The following PRDM16 variants were observed in gnomAD, a reference collection of about 807,000 sequenced individuals.
PRDM16 encodes histone-lysine N-methyltransferase PRDM16.
PRDM16 carries 23 observed loss-of-function variants against 110.6 expected under a neutral mutation model. That is an observed-to-expected ratio of 0.21 (90% confidence interval 0.15 to 0.29). The LOEUF (loss-of-function observed/expected upper bound fraction) is 0.29. Among genes scored for constraint, PRDM16 ranks in the 10% least tolerant of loss-of-function variants. The pLI, the probability that PRDM16 is intolerant of heterozygous loss-of-function variation, is 1.00. For missense variants in PRDM16, 1,615 were observed against 1,794.3 expected, an observed-to-expected ratio of 0.90 and a Z score of 1.81; for synonymous variants, 799 against 781.8, an observed-to-expected ratio of 1.02 and a Z score of -0.37.
At position 3,080,385 on chromosome 1, in the gene PRDM16, C is replaced by G. The variant is rs567325036; in HGVS notation, c.37+11089C>G. ...GCACCGGGGATTTACGGCCGACCCG[C>G]GCTTTCCGATCGGTTTCTCTACCCC... is the stretch of plus-strand genomic sequence containing the variant. On this transcript the variant is annotated intron_variant, in intron 1 of 16. Transcript: ENST00000270722. This position sits in a 1 kb window ranked among gnomAD's most constrained non-coding sequence, Gnocchi z 5.2. 6.6e-6 allele frequency among the ~76,000 whole-genome samples: 1 copy of G among 152,188 alleles called. No homozygotes were observed. The highest frequency in any genetic ancestry group is 1.5e-5 in the Non-Finnish European group (1 of 68,036).
chr1:3,409,756 TGTGA>T (rs34769314), intron 8 of PRDM16, among the ~76,000 whole-genome samples: 22,402 of 142,352 alleles, frequency 0.16, 1,805 homozygotes, highest in Middle Eastern at 0.27. Context: ...GTGGTGTGGG[TGTGA>T]GTGTGTGTGG....
intron 1 of PRDM16, among the ~76,000 whole-genome samples, chr1:3,149,528 C>A (rs1027920456): frequency 3.9e-5 from 6 of 152,208 alleles, no homozygotes; most frequent in Admixed American, 3.9e-4. Flanking sequence ...ACCTGTGTAT[C>A]CAGACTCCGC....
At chr1:3,387,597 C>T (rs1490744120) in intron 4 of PRDM16, among the ~76,000 whole-genome samples, 1 of 152,170 alleles carries the variant, frequency 6.6e-6, no homozygotes, top group Non-Finnish European at 1.5e-5. Context: ...ACGCTCCTGC[C>T]CATGTCCCCG....
chr1:3,199,392 G>A (rs545658611), intron 2 of PRDM16, among the ~76,000 whole-genome samples: 28 of 152,270 alleles, frequency 1.8e-4, no homozygotes, highest in East Asian at 3.9e-4. Flanking sequence ...CCGGGCCTCC[G>A]GAGCCCCTTG....
intron 16 of PRDM16, among the ~76,000 whole-genome samples, chr1:3,433,021 T>C (rs1638808846): frequency 1.3e-5 from 2 of 152,134 alleles, no homozygotes; most frequent in Non-Finnish European, 2.9e-5. Flanking sequence ...AAAACAGACA[T>C]CCCCTGGCAG....
intron 2 of PRDM16, among the ~76,000 whole-genome samples, chr1:3,214,580 C>T (rs1470299056): frequency 6.6e-6 from 1 of 152,176 alleles, no homozygotes; most frequent in Non-Finnish European, 1.5e-5. Context: ...ACCTGTAATC[C>T]CAACTACTTG....
chr1:3,385,828 G>A (rs964141691), intron 4 of PRDM16, among the ~76,000 whole-genome samples: 8 of 152,236 alleles, frequency 5.3e-5, no homozygotes, highest in Admixed American at 4.6e-4. Context: ...TGCAGGCAGC[G>A]AACCAGGCAA....
chr1:3,078,809 G>T (rs952735635), intron 1 of PRDM16, among the ~76,000 whole-genome samples: 2 of 152,242 alleles, frequency 1.3e-5, no homozygotes, highest in Admixed American at 1.3e-4. Flanking sequence ...AGACCTGGCA[G>T]CCGGTATTAC....
At chr1:3,256,002 G>A (rs1244845744) in intron 3 of PRDM16, among the ~76,000 whole-genome samples, 2 of 152,202 alleles carry the variant, frequency 1.3e-5, no homozygotes, top group Admixed American at 1.3e-4. Flanking sequence ...ACGTGGCAGA[G>A]AGCAGGTATG....
chr1:3,401,259 T>C (rs568407624), intron 5 of PRDM16, among the ~76,000 whole-genome samples: 45 of 152,290 alleles, frequency 3.0e-4, no homozygotes, highest in African/African-American at 1.0e-3. Context: ...TGGTGGTCTC[T>C]CTGACACAGG....
At chr1:3,114,153 GCACACACACA>G (rs749731166) in intron 1 of PRDM16, among the ~76,000 whole-genome samples, 5 of 142,626 alleles carry the variant, frequency 3.5e-5, no homozygotes, top group South Asian at 2.3e-4. Context: ...CTGCACACAC[GCACACACACA>G]CGCACACACA....
At chr1:3,360,983 G>A (rs1299418940) in intron 3 of PRDM16, among the ~76,000 whole-genome samples, 3 of 152,238 alleles carry the variant, frequency 2.0e-5, no homozygotes, top group Admixed American at 1.3e-4. Context: ...ATGCACTCTC[G>A]TTTTCTCGGC....
intron 2 of PRDM16, among the ~76,000 whole-genome samples, chr1:3,218,465 CACCCACCCACTCCA>C (rs1385481950): frequency 6.6e-6 from 1 of 152,246 alleles, no homozygotes; most frequent in African/African-American, 2.4e-5. Flanking sequence ...CACTTGGGCA[CACCCACCCACTCCA>C]AGGCACACAT....
At chr1:3,383,474 G>A (rs1643140512) in intron 3 of PRDM16, among the ~76,000 whole-genome samples, 1 of 152,166 alleles carries the variant, frequency 6.6e-6, no homozygotes, top group South Asian at 2.1e-4. Flanking sequence ...TGTGCTCTGG[G>A]GGCCAACTTT....
chr1:3,412,090 C>T lies in PRDM16; in HGVS notation c.1893C>T (p.Ser631=), dbSNP rs372411909. The change falls in exon 9 of 17, where the codon AGC becomes AGT. Residue 631 remains serine, a synonymous_variant. Coordinates refer to ENST00000270722, the MANE Select transcript of PRDM16 (RefSeq NM_022114.4). The part of the protein sequence containing the change: ...TGSDLDSDVD[S]DPDKDKGKGK... ...CGGACCTGGACAGCGACGTGGACAG[C>T]GACCCTGACAAGGACAAGGGCAAGG... 93 of 1,589,898 alleles carry T rather than the reference C, an allele frequency of 5.8e-5. No homozygotes were observed. Among genetic ancestry groups the T allele is most frequent in the Non-Finnish European group, 7.6e-5 (89 of 1,166,314 alleles).
rs578081886 is a variant in PRDM16, at chr1:3,263,746, A to G, written c.438+19609A>G. Among the ~76,000 whole-genome samples the G allele has an allele frequency of 6.6e-5, 10 of 152,344 alleles. No individual in the cohort carries two copies. The East Asian group carries it at 1.9e-3, about 29-fold the overall frequency. ...AGGCTGCCTGGACGGCAAGATGGATACCAAAGGAGGTGTCTCATCTAATAG... is the reference window on the plus strand; with the variant it reads ...AGGCTGCCTGGACGGCAAGATGGATGCCAAAGGAGGTGTCTCATCTAATAG... On this transcript the variant is annotated intron_variant, in intron 3 of 16. Transcript: ENST00000270722.
intron 1 of PRDM16, among the ~76,000 whole-genome samples, chr1:3,109,729 G>A (rs1422091380): frequency 6.6e-6 from 1 of 152,214 alleles, no homozygotes; most frequent in African/African-American, 2.4e-5. Context: ...GGACATGAAA[G>A]CAAACGAGTA....
Position 3,433,754 on chromosome 1 carries a change from G to A in PRDM16, c.3774G>A (p.Leu1258=). 1 of 1,614,000 alleles carries A rather than the reference G, an allele frequency of 6.2e-7. No homozygotes were observed. Residue 1258 remains leucine (L), a synonymous_variant, in exon 17 of 17, where the codon TTG becomes TTA. Transcript: ENST00000270722. ...CCCAGGGTTCTCTGGACGCTTGGTT[G>A]AAGGTCACTGGAGCCACGTCGGAGT... is the stretch of plus-strand genomic sequence containing the variant. ...TPSQGSLDAW[L]KVTGATSESG... is the part of the protein sequence containing the mutation.
intron 1 of PRDM16, among the ~76,000 whole-genome samples, chr1:3,087,296 C>T (rs1455653183): frequency 1.3e-5 from 2 of 151,476 alleles, no homozygotes; most frequent in African/African-American, 4.9e-5. Context: ...CCACCTGAGA[C>T]CAGCCAGGGC....
Sources: allele counts gnomAD v4.1 joint callset (sites outside exome capture counted in the v4.1 genomes callset), GRCh38; gene constraint gnomAD v4.1.1; non-coding constraint Gnocchi (gnomAD v3.1); transcripts MANE v1.5; gene names NCBI Gene and HGNC (gene_info 2026-07-23, HGNC 2026-07-21).